Variants in CACNA1E observed in about 807,000 individuals in gnomAD.
CACNA1E encodes voltage-dependent R-type calcium channel subunit alpha-1E.
CACNA1E carries 40 observed loss-of-function variants against 259.2 expected under a neutral mutation model. The ratio of observed to expected loss-of-function variants is 0.15; its 90% CI spans 0.12 to 0.20. The LOEUF (loss-of-function observed/expected upper bound fraction) is 0.20, where lower values mean the gene tolerates loss of function less well. Among genes scored for constraint, CACNA1E ranks in the 10% least tolerant of loss-of-function variants. The pLI is 1.00. For missense variants in CACNA1E, 1,874 were observed against 3,040.1 expected (o/e 0.62, Z 9.02); for synonymous variants, 1,104 against 1,138.5 (o/e 0.97, Z 0.61).
chr1:181,762,325 G>A (rs996401474), intron 32 of CACNA1E, among the ~76,000 whole-genome samples: 2 of 152,190 alleles, frequency 1.3e-5, no homozygotes, highest in African/African-American at 4.8e-5. Context: ...TTTGGTGACA[G>A]TTTTCAAAGA....
chr1:181,513,047 G>T (rs1169182424), intron 3 of CACNA1E, among the ~76,000 whole-genome samples: 1 of 152,168 alleles, frequency 6.6e-6, no homozygotes, highest in Admixed American at 6.5e-5. Flanking sequence ...AACAAAAAAA[G>T]AAAAGTATTG....
At chr1:181,385,212 T>C (rs185056596) in intron 1 of CACNA1E, among the ~76,000 whole-genome samples, 1 of 152,194 alleles carries the variant, frequency 6.6e-6, no homozygotes, top group African/African-American at 2.4e-5. Context: ...ACTGCCAGGG[T>C]GTCATGAGAA....
chr1:181,582,315 G>C (rs1296666004), intron 6 of CACNA1E, among the ~76,000 whole-genome samples: 2 of 152,238 alleles, frequency 1.3e-5, no homozygotes, highest in Non-Finnish European at 2.9e-5. Context: ...AGGAAGGAGG[G>C]GAGGGAGGCA....
chr1:181,577,139 T>C (rs530153149), intron 3 of CACNA1E, among the ~76,000 whole-genome samples: 1 of 152,364 alleles, frequency 6.6e-6, no homozygotes, highest in East Asian at 1.9e-4. Context: ...GTGTGTGTAT[T>C]TCTGGATTTG....
intron 3 of CACNA1E, among the ~76,000 whole-genome samples, chr1:181,531,514 G>A (rs1190579574): frequency 1.3e-5 from 2 of 152,216 alleles, no homozygotes; most frequent in South Asian, 2.1e-4. Flanking sequence ...TGCAAGATGA[G>A]TGAGAGGTGA....
chr1:181,329,097 G>A (rs768419570), intron 1 of CACNA1E, among the ~76,000 whole-genome samples: 39 of 151,992 alleles, frequency 2.6e-4, no homozygotes, highest in African/African-American at 7.0e-4. Flanking sequence ...GGTGAGTGGC[G>A]TCTTCATCCA....
intron 3 of CACNA1E, among the ~76,000 whole-genome samples, chr1:181,531,267 T>A (rs1667759818): frequency 6.6e-6 from 1 of 152,216 alleles, no homozygotes; most frequent in African/African-American, 2.4e-5. Context: ...GATGTTCTGT[T>A]GTGTGGGAAC....
Position 181,511,497 on chromosome 1 carries a change from G to C in CACNA1E, c.499G>C (p.Val167Leu). The change falls in exon 3 of 48, where the codon GTG becomes CTG. Residue 167 changes from valine to leucine, a missense_variant. Around this residue, in one of 14 missense-constraint regions of CACNA1E, gnomAD observed 55 missense variants for 156.5 expected, o/e 0.35. Coordinates refer to ENST00000367573, the MANE Select transcript of CACNA1E (RefSeq NM_001205293.3). ...RNGWNVMDFIVVLSGILATAG... is the reference protein window; with the variant it reads ...RNGWNVMDFILVLSGILATAG... Reference sequence around the variant, plus strand: ...TGGCTGGAATGTCATGGACTTCATCGTGGTCCTCAGTGGGTAAGTCCATTT... The same window carrying C: ...TGGCTGGAATGTCATGGACTTCATCCTGGTCCTCAGTGGGTAAGTCCATTT... 6.2e-7 allele frequency: 1 copy of C among 1,613,634 alleles called. No individual in the cohort carries two copies. The highest frequency in any genetic ancestry group is 8.5e-7 in the Non-Finnish European group (1 of 1,179,848).
rs1364499669 is a variant in CACNA1E, at chr1:181,510,461, A to G, written c.267-16A>G. On this transcript the variant is annotated splice_polypyrimidine_tract_variant and intron_variant, in intron 1 of 47. Coordinates refer to ENST00000367573, the MANE Select transcript of CACNA1E (RefSeq NM_001205293.3). ...TCCCTCTCTGGTGAATTTGTTCCTT[A>G]ACTCCGCTTTCCCACGCCATTTGAG... 1 of 1,592,150 alleles carries G rather than the reference A, an allele frequency of 6.3e-7. No homozygotes were observed. The highest frequency in any genetic ancestry group is 2.2e-5 in the East Asian group (1 of 44,752).
intron 7 of CACNA1E, among the ~76,000 whole-genome samples, chr1:181,678,500 G>A (rs376940588): frequency 1.0e-3 from 159 of 152,262 alleles, no homozygotes; most frequent in African/African-American, 3.4e-3. Context: ...TTTTCTTATT[G>A]TATTGCTGCA....
chr1:181,732,435 C>A lies in CACNA1E; in HGVS notation c.2349C>A (p.Ser783Arg). Residue 783 changes from serine (S) to arginine (R), a missense_variant, in exon 20 of 48, where the codon AGC (serine) becomes AGA (arginine). Physicochemically the swap from Ser to Arg is moderately radical, Grantham distance 110. Transcript: ENST00000367573. The surrounding 1 kb of genome is among the most constrained non-coding windows in gnomAD (Gnocchi z 5.5). ...TGTCCGTGTGGGAGCAGCGTACCAG[C>A]CAGCTGAGGAAGCACATGCAGATGT... ...HHMSVWEQRT[S>R]QLRKHMQMSS... is the part of the protein sequence containing the mutation. The A allele has an allele frequency of 6.5e-7, 1 of 1,548,004 alleles. No homozygotes were observed. Among genetic ancestry groups the A allele is most frequent in the Non-Finnish European group, 8.7e-7 (1 of 1,145,280 alleles).
intron 3 of CACNA1E, among the ~76,000 whole-genome samples, chr1:181,559,554 C>G (rs1031164603): frequency 6.6e-6 from 1 of 152,056 alleles, no homozygotes; most frequent in Admixed American, 6.5e-5. Flanking sequence ...AAGGATAACT[C>G]AGAAGGAAAG....
rs557981470 is a variant in CACNA1E at position 181,487,624 on chromosome 1, A to G, written c.266+3614A>G. Among the ~76,000 whole-genome samples, 162 of 152,188 alleles carry G rather than the reference A, an allele frequency of 1.1e-3. 1 individual carries two copies. The highest frequency in any genetic ancestry group is 7.7e-3 in the South Asian group (37 of 4,822). ...CTCGTTTTCATTTTCTTTTTTGCTCATCTAATAGATCTTCTCTGGCAGTTG... is the reference window on the plus strand; with the variant it reads ...CTCGTTTTCATTTTCTTTTTTGCTCGTCTAATAGATCTTCTCTGGCAGTTG... On this transcript the variant is annotated intron_variant, in intron 1 of 47. Coordinates refer to ENST00000367573, the MANE Select transcript of CACNA1E (RefSeq NM_001205293.3).
At chr1:181,707,029 A>AAT (rs1352645969) in intron 7 of CACNA1E, among the ~76,000 whole-genome samples, 1 of 152,162 alleles carries the variant, frequency 6.6e-6, no homozygotes, top group African/African-American at 2.4e-5. Flanking sequence ...ACTTGACCTC[A>AAT]TGAAGGCTTT....
intron 1 of CACNA1E, among the ~76,000 whole-genome samples, chr1:181,509,296 C>G (rs1665974415): frequency 6.6e-6 from 1 of 152,158 alleles, no homozygotes; most frequent in African/African-American, 2.4e-5. Flanking sequence ...CACAGGTAGC[C>G]TGGCAGGATG....
rs190118323 is a variant in CACNA1E at position 181,750,930 on chromosome 1, G to A, written c.3731+443G>A. Among the ~76,000 whole-genome samples the A allele has an allele frequency of 3.6e-4, 55 of 152,098 alleles. 1 individual carries two copies. Among genetic ancestry groups the A allele is most frequent in the African/African-American group, 1.3e-3 (55 of 41,470 alleles). ...CCTTCAATTCGATTAAATATCTTTTGGCCTCGTTTTCTGTGAAAGAATGGA... is the reference window on the plus strand; with the variant it reads ...CCTTCAATTCGATTAAATATCTTTTAGCCTCGTTTTCTGTGAAAGAATGGA... On this transcript the variant is annotated intron_variant, in intron 26 of 47. Coordinates refer to ENST00000367573, the MANE Select transcript of CACNA1E (RefSeq NM_001205293.3).
intron 3 of CACNA1E, among the ~76,000 whole-genome samples, chr1:181,519,045 G>T (rs1666802945): frequency 1.3e-5 from 2 of 152,296 alleles, no homozygotes; most frequent in African/African-American, 4.8e-5. Context: ...GTTCTCCTGG[G>T]CCTGGAGCTC....
At chr1:181,547,309 C>T (rs1647593303) in intron 3 of CACNA1E, among the ~76,000 whole-genome samples, 1 of 152,182 alleles carries the variant, frequency 6.6e-6, no homozygotes, top group African/African-American at 2.4e-5. Context: ...CCGATGCCAC[C>T]CTAACTCCAG....
intron 37 of CACNA1E, among the ~76,000 whole-genome samples, chr1:181,774,609 C>T (rs979441036): frequency 6.6e-6 from 1 of 152,210 alleles, no homozygotes. Context: ...GAAGAGAAGA[C>T]ACCTAGACCT....
Sources: gnomAD v4.1 joint callset for allele counts (sites outside exome capture counted in the v4.1 genomes callset) on GRCh38, gnomAD v4.1.1 for gene constraint, gnomAD v4.1.1 regional missense constraint, Gnocchi (gnomAD v3.1) non-coding constraint, MANE v1.5 for transcripts, NCBI Gene and HGNC (gene_info 2026-07-23, HGNC 2026-07-21) for gene names.